The following KIAA2012 variants were observed in gnomAD, a reference collection of about 807,000 sequenced individuals.
KIAA2012 encodes KIAA2012.
KIAA2012 carries 125 observed loss-of-function variants against 150.6 expected under a neutral mutation model. The observed-to-expected ratio is 0.83, with a 90% confidence interval of 0.72 to 0.96. The LOEUF is 0.96. Ranked by LOEUF, KIAA2012 falls within the 40% of genes least tolerant of loss-of-function variation. KIAA2012 has a pLI of 0.00. For missense variants in KIAA2012, 1,219 were observed against 1,354.9 expected, an observed-to-expected ratio of 0.90 and a Z score of 1.57; for synonymous variants, 462 against 504.7, an observed-to-expected ratio of 0.92 and a Z score of 1.13.
At chr2:202,201,890 G>A (rs1692535413) in intron 22 of KIAA2012, 1 of 1,081,208 alleles carries the variant, frequency 9.2e-7, no homozygotes, top group African/African-American at 1.5e-5. Flanking sequence ...TGTTCATGGT[G>A]GCTGCAGGTC....
At chr2:202,093,295 A>G (rs1321845226) in intron 4 of KIAA2012, 110 bp downstream of exon 4, 3 of 1,132,426 alleles carry the variant, frequency 2.6e-6, no homozygotes, top group Non-Finnish European at 3.8e-6. Context: ...TGGGTTGCAT[A>G]GTCCTCAATC....
At chr2:202,129,150 T>A (rs1001812298) in intron 12 of KIAA2012, among the ~76,000 whole-genome samples, 3 of 151,704 alleles carry the variant, frequency 2.0e-5, no homozygotes, top group African/African-American at 7.3e-5. Context: ...AAATACCTGA[T>A]ACCCCCTGGA....
At chr2:202,191,430 AGCACTTTGGGAG>A (rs2105747902) in intron 19 of KIAA2012, among the ~76,000 whole-genome samples, 1 of 152,274 alleles carries the variant, frequency 6.6e-6, no homozygotes. Context: ...CTGTAAACCC[AGCACTTTGGGAG>A]GCCAAGGCAG....
At chr2:202,098,823 C>T (rs373432970) in intron 5 of KIAA2012, among the ~76,000 whole-genome samples, 7 of 84,970 alleles carry the variant, frequency 8.2e-5, no homozygotes, top group East Asian at 3.3e-4. Flanking sequence ...TGTGTGTGCA[C>T]GCGCGCGCGC....
At chr2:202,151,557 G>A (rs965239611) in intron 13 of KIAA2012, among the ~76,000 whole-genome samples, 2 of 151,782 alleles carry the variant, frequency 1.3e-5, no homozygotes, top group Admixed American at 6.6e-5. Flanking sequence ...TAAGCCAAGC[G>A]GCCACCCCCT....
chr2:202,117,106 C>A (rs1451371772), intron 11 of KIAA2012: 3 of 152,228 alleles, frequency 2.0e-5, no homozygotes, highest in African/African-American at 7.2e-5. Context: ...CAAAAGGCTG[C>A]ACCAGAACCA....
intron 15 of KIAA2012, among the ~76,000 whole-genome samples, chr2:202,168,475 A>G (rs1388943446): frequency 2.0e-5 from 3 of 152,096 alleles, no homozygotes; most frequent in African/African-American, 7.2e-5. Flanking sequence ...AAAGTGCTCA[A>G]AAAGGGATAT....
Position 202,087,510 on chromosome 2 carries a change from C to CAAAAAAA in KIAA2012, c.370-3241_370-3235dup, listed in dbSNP as rs59728832. Among the ~76,000 whole-genome samples the CAAAAAAA allele has an allele frequency of 8.2e-4, 43 of 52,524 alleles. 1 individual carries two copies. Among genetic ancestry groups the CAAAAAAA allele is most frequent in the African/African-American group, 1.8e-3 (21 of 11,876 alleles). 34.5% of individuals were successfully genotyped at this position (52,524 alleles called of 152,430 possible). ...CCTGGTTGACAAAGCGAAACCATCT[C>CAAAAAAA]AAAAAAAAAAAAAAAAAAAAAAAAA... is the stretch of plus-strand genomic sequence containing the variant. On this transcript the variant is annotated intron_variant, in intron 2 of 23. Coordinates refer to ENST00000498697, the MANE Select transcript of KIAA2012 (RefSeq NM_001277372.4).
chr2:202,140,163 G>A (rs545829563), intron 13 of KIAA2012, among the ~76,000 whole-genome samples: 2 of 152,242 alleles, frequency 1.3e-5, no homozygotes, highest in Admixed American at 1.3e-4. Flanking sequence ...AGAAGATGGA[G>A]GTTGCAATGA....
chr2:202,204,789 T>C (rs1377642978), intron 23 of KIAA2012, among the ~76,000 whole-genome samples: 2 of 152,212 alleles, frequency 1.3e-5, no homozygotes, highest in Non-Finnish European at 2.9e-5. Context: ...TCAGTCATAC[T>C]GAACTTAAAT....
intron 9 of KIAA2012, among the ~76,000 whole-genome samples, chr2:202,109,171 CA>C (rs1379084127): frequency 6.6e-6 from 1 of 152,220 alleles, no homozygotes; most frequent in Non-Finnish European, 1.5e-5. Flanking sequence ...ATAATCTCAT[CA>C]GCTCTAAAGC....
intron 12 of KIAA2012, among the ~76,000 whole-genome samples, chr2:202,129,502 G>A (rs1052926641): frequency 1.3e-5 from 2 of 152,148 alleles, no homozygotes; most frequent in Admixed American, 6.5e-5. Context: ...TTACAGGCAT[G>A]AGCCACCACG....
intron 15 of KIAA2012, among the ~76,000 whole-genome samples, chr2:202,171,435 C>T (rs908769187): frequency 2.6e-5 from 4 of 152,214 alleles, no homozygotes; most frequent in Non-Finnish European, 5.9e-5. Context: ...GCTCCGGGTC[C>T]CCGCGGCGTC....
At chr2:202,174,898 A>G (rs1691960989) in intron 15 of KIAA2012, among the ~76,000 whole-genome samples, 1 of 152,326 alleles carries the variant, frequency 6.6e-6, no homozygotes, top group South Asian at 2.1e-4. Context: ...CTGCACCGAG[A>G]AATGACTTTT....
At chr2:202,155,421 C>T (rs1175416484) in intron 14 of KIAA2012, among the ~76,000 whole-genome samples, 1 of 152,164 alleles carries the variant, frequency 6.6e-6, no homozygotes, top group Admixed American at 6.5e-5. Flanking sequence ...ATTAAATGCT[C>T]CATGAATTGG....
At chr2:202,077,175 G>A (rs1559194995) in intron 2 of KIAA2012, 1 of 394,996 alleles carries the variant, frequency 2.5e-6, no homozygotes, top group Non-Finnish European at 5.1e-6. Flanking sequence ...TGATCTCAAT[G>A]TTGCCCCCCC....
chr2:202,088,978 G>A (rs577249315), intron 2 of KIAA2012, among the ~76,000 whole-genome samples: 1 of 152,284 alleles, frequency 6.6e-6, no homozygotes, highest in East Asian at 1.9e-4. Context: ...AGGGGCTCTG[G>A]CTGTAAATCC....
At chr2:202,196,198 T>C (rs1692411320) in intron 21 of KIAA2012, among the ~76,000 whole-genome samples, 1 of 133,658 alleles carries the variant, frequency 7.5e-6, no homozygotes, top group African/African-American at 2.8e-5. Flanking sequence ...TTTTTTTTTT[T>C]TTTTTTTTTT....
Position 202,073,610 on chromosome 2 carries a change from G to C in KIAA2012, c.-18G>C. On this transcript the variant is annotated 5_prime_UTR_variant, in exon 1 of 24. Coordinates refer to ENST00000498697, the MANE Select transcript of KIAA2012 (RefSeq NM_001277372.4). Reference sequence around the variant, plus strand: ...ACCAAGATGGACTGCCCTTGAGAAGGGGTGGTCAGAGGGAAACATGTTCAC... The same window carrying C: ...ACCAAGATGGACTGCCCTTGAGAAGCGGTGGTCAGAGGGAAACATGTTCAC... 6.5e-7 allele frequency: 1 copy of C among 1,549,530 alleles called. No individual in the cohort carries two copies. Among genetic ancestry groups the C allele is most frequent in the Non-Finnish European group, 8.7e-7 (1 of 1,146,438 alleles).
Sources: allele counts gnomAD v4.1 joint callset (sites outside exome capture counted in the v4.1 genomes callset), GRCh38; gene constraint gnomAD v4.1.1; transcripts MANE v1.5; gene names NCBI Gene and HGNC (gene_info 2026-07-23, HGNC 2026-07-21).